ZFHX3: variants seen among roughly 807,000 people sequenced by gnomAD.
ZFHX3 encodes the protein zinc finger homeobox 3.
Under a neutral mutation model 279.1 loss-of-function variants are expected in ZFHX3, and 42 were observed. That is an observed-to-expected ratio of 0.15 (90% confidence interval 0.12 to 0.19). ZFHX3 has a LOEUF of 0.19. ZFHX3 is among the 10% of genes least tolerant of loss of function. The pLI is 1.00. For missense variants in ZFHX3, 4,981 were observed against 4,754.0 expected (o/e 1.05, Z -1.40); for synonymous variants, 2,293 against 1,957.8 (o/e 1.17, Z -4.52).
chr16:72,833,709 C>T (rs2037119485), intron 4 of ZFHX3, among the ~76,000 whole-genome samples: 1 of 152,154 alleles, frequency 6.6e-6, no homozygotes, highest in African/African-American at 2.4e-5. Flanking sequence ...CGCCCTGGTT[C>T]TGGGCAGGAG....
intron 5 of ZFHX3, among the ~76,000 whole-genome samples, chr16:73,241,698 G>A (rs937715330): frequency 2.7e-5 from 4 of 149,154 alleles, no homozygotes; most frequent in Admixed American, 6.8e-5. Flanking sequence ...GCTGAGGCAG[G>A]AGAATCGCTT....
chr16:73,614,314 G>A (rs900797439), intron 2 of ZFHX3, among the ~76,000 whole-genome samples: 1 of 152,168 alleles, frequency 6.6e-6, no homozygotes, highest in East Asian at 1.9e-4. Context: ...CATGTGATAT[G>A]GAAACAGCTC....
chr16:72,898,290 T>C (rs1016024267), intron 3 of ZFHX3, among the ~76,000 whole-genome samples: 1 of 152,162 alleles, frequency 6.6e-6, no homozygotes, highest in Non-Finnish European at 1.5e-5. Flanking sequence ...GAAGTAAAAA[T>C]GTTCCCTTAG....
intron 2 of ZFHX3, among the ~76,000 whole-genome samples, chr16:72,951,278 C>T (rs1028829597): frequency 1.3e-5 from 2 of 150,896 alleles, no homozygotes; most frequent in Admixed American, 6.6e-5. Flanking sequence ...TTTTTTTTCC[C>T]GAGATGGAGT....
At chr16:73,298,728 G>C (rs1391037117) in intron 4 of ZFHX3, among the ~76,000 whole-genome samples, 1 of 152,126 alleles carries the variant, frequency 6.6e-6, no homozygotes, top group East Asian at 1.9e-4. Flanking sequence ...CACTTAGACA[G>C]GCATGGGGGC....
At chr16:73,633,649 G>A (rs538074429) in intron 2 of ZFHX3, among the ~76,000 whole-genome samples, 1 of 152,320 alleles carries the variant, frequency 6.6e-6, no homozygotes, top group African/African-American at 2.4e-5. Flanking sequence ...ATATTGCTCA[G>A]TACTAGTGCC....
chr16:73,588,522 T>G (rs1359319794), intron 2 of ZFHX3, among the ~76,000 whole-genome samples: 1 of 151,012 alleles, frequency 6.6e-6, no homozygotes, highest in Non-Finnish European at 1.5e-5. Flanking sequence ...CCATCTCCAC[T>G]AAAAATATAA....
At chr16:73,341,290 G>A (rs1485625840) in intron 3 of ZFHX3, among the ~76,000 whole-genome samples, 4 of 152,142 alleles carry the variant, frequency 2.6e-5, no homozygotes, top group African/African-American at 9.7e-5. Flanking sequence ...GCAGTGAGCT[G>A]AGGTCGCAAC....
intron 5 of ZFHX3, among the ~76,000 whole-genome samples, chr16:73,196,526 C>T (rs1968153085): frequency 1.3e-5 from 2 of 150,788 alleles, no homozygotes; most frequent in African/African-American, 4.9e-5. Context: ...AAACAAAGGA[C>T]AAGGGAAACA....
chr16:73,055,520 G>A (rs1435883424), intron 1 of ZFHX3, among the ~76,000 whole-genome samples: 2 of 152,094 alleles, frequency 1.3e-5, no homozygotes, highest in East Asian at 1.9e-4. Context: ...CCCATTGCAG[G>A]ATTCCTGCAC....
chr16:73,394,714 CT>C (rs1235927328), intron 3 of ZFHX3, among the ~76,000 whole-genome samples: 1 of 152,060 alleles, frequency 6.6e-6, no homozygotes, highest in East Asian at 1.9e-4. Flanking sequence ...AAATAACTTC[CT>C]AGATTTTATA....
chr16:72,863,340 T>TAAAAA (rs66692129), intron 4 of ZFHX3, among the ~76,000 whole-genome samples: 2 of 64,624 alleles, frequency 3.1e-5, no homozygotes, highest in African/African-American at 7.4e-5. Context: ...TCATCTCTAC[T>TAAAAA]AAAAAAAAAA....
At chr16:72,976,125 T>C (rs1037861630) in intron 1 of ZFHX3, among the ~76,000 whole-genome samples, 4 of 152,178 alleles carry the variant, frequency 2.6e-5, no homozygotes, top group East Asian at 1.9e-4. Context: ...CACAAACATA[T>C]GAAAAATGCA....
chr16:73,772,518 C>G (rs1425918154), intron 1 of ZFHX3, among the ~76,000 whole-genome samples: 1 of 152,194 alleles, frequency 6.6e-6, no homozygotes, highest in Non-Finnish European at 1.5e-5. Flanking sequence ...GGTGGGGACA[C>G]AGCCAAACCA....
intron 3 of ZFHX3, among the ~76,000 whole-genome samples, chr16:73,388,359 T>C (rs2016942694): frequency 6.6e-6 from 1 of 152,170 alleles, no homozygotes; most frequent in Non-Finnish European, 1.5e-5. Flanking sequence ...CAAAGGGTAA[T>C]GATCTGGGAA....
At chr16:73,852,229 T>C (rs1961610420) in intron 1 of ZFHX3, among the ~76,000 whole-genome samples, 1 of 152,190 alleles carries the variant, frequency 6.6e-6, no homozygotes. Context: ...CAGAAAATCA[T>C]GACAAAGCCA....
intron 1 of ZFHX3, among the ~76,000 whole-genome samples, chr16:73,818,384 C>G (rs1265387584): frequency 6.6e-6 from 1 of 152,166 alleles, no homozygotes; most frequent in African/African-American, 2.4e-5. Flanking sequence ...ACTCAGCCCC[C>G]ACCCCAATAC....
intron 5 of ZFHX3, among the ~76,000 whole-genome samples, chr16:73,234,503 A>G (rs1394835028): frequency 6.6e-6 from 1 of 152,164 alleles, no homozygotes; most frequent in Non-Finnish European, 1.5e-5. Flanking sequence ...TGTAATGAAA[A>G]CAAATGATCC....
At chr16:73,263,522 A>G in intron 4 of ZFHX3, among the ~76,000 whole-genome samples, 1 of 152,120 alleles carries the variant, frequency 6.6e-6, no homozygotes, top group East Asian at 1.9e-4. Flanking sequence ...TTCTCCACCT[A>G]GATTGACTGT....
Sources: gnomAD v4.1 joint callset for allele counts (sites outside exome capture counted in the v4.1 genomes callset) on GRCh38, gnomAD v4.1.1 for gene constraint, MANE v1.5 for transcripts, NCBI Gene and HGNC (gene_info 2026-07-23, HGNC 2026-07-21) for gene names.